SEPTIN9: variants seen among roughly 807,000 people sequenced by gnomAD.
SEPTIN9 encodes the protein septin 9, also known as septin-9.
SEPTIN9 carries 13 observed loss-of-function variants against 56.6 expected under a neutral mutation model. The observed-to-expected ratio is 0.23, with a 90% CI of 0.15 to 0.37. The LOEUF is 0.37. SEPTIN9 is among the 10% of genes least tolerant of loss of function. SEPTIN9 has a pLI of 1.00. For missense variants in SEPTIN9, 650 were observed against 823.1 expected, an observed-to-expected ratio of 0.79 and a Z score of 2.57; for synonymous variants, 332 against 334.1, an observed-to-expected ratio of 0.99 and a Z score of 0.07.
At chr17:77,415,627 C>CAAA (rs772446190) in intron 3 of SEPTIN9, among the ~76,000 whole-genome samples, 71 of 63,210 alleles carry the variant, frequency 1.1e-3, no homozygotes, top group African/African-American at 3.5e-3. Context: ...GACTATGTCT[C>CAAA]AAAAAAAAAA....
At chr17:77,336,488 A>C (rs2033558111) in intron 2 of SEPTIN9, among the ~76,000 whole-genome samples, 1 of 152,188 alleles carries the variant, frequency 6.6e-6, no homozygotes, top group African/African-American at 2.4e-5. Context: ...TGTTAAATTT[A>C]TTCCTAAGAA....
Position 77,499,499 on chromosome 17 carries a change from CAAGT to C in SEPTIN9, c.*842_*845del. 2.1e-6 allele frequency: 1 copy of C among 486,330 alleles called. No individual in the cohort carries two copies. Among genetic ancestry groups the C allele is most frequent in the East Asian group, 4.0e-5 (1 of 25,232 alleles). The allele number at this position is 486,330 out of a possible 1,614,324, so 30.1% of individuals were successfully genotyped here. A position where few individuals can be genotyped will look rare whatever the true frequency, so the allele number is the denominator to read the frequency against. Reference sequence around the variant, plus strand: ...TCCCCCAGTTTTGAAAAGGTCTAAGCAAGTGAGTCTGGTGGAGGAGCTGAGGGAG... The same window carrying C: ...TCCCCCAGTTTTGAAAAGGTCTAAGCGAGTCTGGTGGAGGAGCTGAGGGAG... On this transcript the variant is annotated 3_prime_UTR_variant, in exon 12 of 12. Transcript: ENST00000427177.
At chr17:77,398,472 G>A (rs2035796307) in intron 2 of SEPTIN9, among the ~76,000 whole-genome samples, 1 of 152,166 alleles carries the variant, frequency 6.6e-6, no homozygotes, top group Non-Finnish European at 1.5e-5. Flanking sequence ...GGGCTGGAGT[G>A]GGCTTGGCTT....
At chr17:77,412,784 C>T (rs1328952399) in intron 3 of SEPTIN9, among the ~76,000 whole-genome samples, 3 of 152,074 alleles carry the variant, frequency 2.0e-5, no homozygotes, top group African/African-American at 7.2e-5. Context: ...ATCTTGTCCC[C>T]AGCTGCCTAC....
chr17:77,441,022 A>C (rs1382696665), intron 3 of SEPTIN9, among the ~76,000 whole-genome samples: 1 of 152,150 alleles, frequency 6.6e-6, no homozygotes, highest in African/African-American at 2.4e-5. Flanking sequence ...AAGGTGGCTT[A>C]GGGTCCCTGT....
intron 2 of SEPTIN9, among the ~76,000 whole-genome samples, chr17:77,342,575 C>T (rs1407512030): frequency 3.3e-5 from 5 of 152,164 alleles, no homozygotes; most frequent in African/African-American, 1.2e-4. Context: ...AAAACCACAC[C>T]GGCAATTTGA....
intron 2 of SEPTIN9, among the ~76,000 whole-genome samples, chr17:77,309,704 T>C (rs1217987783): frequency 1.3e-5 from 2 of 151,772 alleles, no homozygotes; most frequent in African/African-American, 2.4e-5. Context: ...GACACCATGA[T>C]CAACGCTTTG....
intron 2 of SEPTIN9, among the ~76,000 whole-genome samples, chr17:77,372,674 G>A (rs78536179): frequency 6.6e-6 from 1 of 152,198 alleles, no homozygotes; most frequent in South Asian, 2.1e-4. Context: ...CTCCCGGACA[G>A]TGCCTTCTCC....
chr17:77,374,453 C>G (rs2143923138), intron 2 of SEPTIN9: 1 of 152,368 alleles, frequency 6.6e-6, no homozygotes, highest in South Asian at 2.1e-4. Context: ...GAAGGGGAAG[C>G]TCACACAATG....
At chr17:77,481,872 A>G (rs1196691171) in intron 3 of SEPTIN9, 1 of 527,622 alleles carries the variant, frequency 1.9e-6, no homozygotes, top group Non-Finnish European at 3.4e-6. Context: ...CAGCTCCTAG[A>G]AGAGGAGATG....
rs114947479 is a variant in SEPTIN9, at chr17:77,295,499, T to C, written c.20-11642T>C. Among the ~76,000 whole-genome samples the C allele has an allele frequency of 5.1e-3, 773 of 152,138 alleles. 9 individuals carry two copies. Among genetic ancestry groups the C allele is most frequent in the African/African-American group, 0.017 (725 of 41,520 alleles). ...AGGTGGAGAGCTCCCGCGCCCTCCC[T>C]TGCTTCCACCTCCCAGGTTCCTCCC... On this transcript the variant is annotated intron_variant, in intron 1 of 11. Coordinates refer to ENST00000427177, the MANE Select transcript of SEPTIN9 (RefSeq NM_001113491.2).
At chr17:77,325,994 A>C (rs914522213) in intron 2 of SEPTIN9, among the ~76,000 whole-genome samples, 6 of 152,060 alleles carry the variant, frequency 3.9e-5, no homozygotes. Flanking sequence ...GTGGGGCGTG[A>C]GGGTGTCAGC....
chr17:77,298,072 A>G (rs1356660836), intron 1 of SEPTIN9, among the ~76,000 whole-genome samples: 2 of 152,220 alleles, frequency 1.3e-5, no homozygotes, highest in Non-Finnish European at 2.9e-5. Context: ...GGCCAGATGG[A>G]GGACCCTCCC....
chr17:77,431,080 C>T (rs1358104933), intron 3 of SEPTIN9, among the ~76,000 whole-genome samples: 1 of 152,050 alleles, frequency 6.6e-6, no homozygotes, highest in African/African-American at 2.4e-5. Flanking sequence ...TGGTGGCTCA[C>T]GCCTGTAATC....
chr17:77,495,631 C>T (rs972656578), intron 10 of SEPTIN9, among the ~76,000 whole-genome samples: 1 of 152,342 alleles, frequency 6.6e-6, no homozygotes, highest in Admixed American at 6.5e-5. Flanking sequence ...GTGGCGATCA[C>T]ACACTCCAAC....
In SEPTIN9 at chr17:77,498,760, G is replaced by C; in HGVS notation, c.*102G>C. ...TTATTTTATATGATTTTCTCCATTT[G>C]TCATCGTTCCCCACCCCTTCGACAT... On this transcript the variant is annotated 3_prime_UTR_variant, in exon 12 of 12. Coordinates refer to ENST00000427177, the MANE Select transcript of SEPTIN9 (RefSeq NM_001113491.2). The C allele has an allele frequency of 1.5e-6, 1 of 660,234 alleles. No homozygotes were observed. Among genetic ancestry groups the C allele is most frequent in the Admixed American group, 2.6e-5 (1 of 38,424 alleles). The allele number at this position is 660,234 out of a possible 1,614,324, so 40.9% of individuals were successfully genotyped here.
At chr17:77,495,748 ACACAGGGCCGT>A (rs2040230765) in intron 10 of SEPTIN9, among the ~76,000 whole-genome samples, 2 of 152,214 alleles carry the variant, frequency 1.3e-5, no homozygotes, top group Non-Finnish European at 2.9e-5. Flanking sequence ...ACACCGCCCT[ACACAGGGCCGT>A]GGCAGGAGGG....
chr17:77,415,425 G>A (rs2144178478), intron 3 of SEPTIN9, among the ~76,000 whole-genome samples: 1 of 152,294 alleles, frequency 6.6e-6, no homozygotes, highest in East Asian at 1.9e-4. Flanking sequence ...TGGCCAACAT[G>A]GCAAAACCCC....
rs2039176983 is a variant in SEPTIN9 at position 77,475,608 on chromosome 17, A to G, written c.722-6536A>G. Reference sequence around the variant, plus strand: ...AGGGTCTGGATTCAGGGGAGCCTGCAGAGGGAGGGCAGCTGGAGGCTGCTC... The same window carrying G: ...AGGGTCTGGATTCAGGGGAGCCTGCGGAGGGAGGGCAGCTGGAGGCTGCTC... On this transcript the variant is annotated intron_variant, in intron 3 of 11. Coordinates refer to ENST00000427177, the MANE Select transcript of SEPTIN9 (RefSeq NM_001113491.2). This position sits in a 1 kb window ranked among gnomAD's most constrained non-coding sequence, Gnocchi z 4.6. The G allele has an allele frequency of 1.2e-6, 2 of 1,613,692 alleles. No homozygotes were observed. Among genetic ancestry groups the G allele is most frequent in the Non-Finnish European group, 1.7e-6 (2 of 1,179,858 alleles).
Sources: gnomAD v4.1 joint callset for allele counts (sites outside exome capture counted in the v4.1 genomes callset) on GRCh38, gnomAD v4.1.1 for gene constraint, Gnocchi (gnomAD v3.1) non-coding constraint, MANE v1.5 for transcripts, NCBI Gene and HGNC (gene_info 2026-07-23, HGNC 2026-07-21) for gene names.